FNIP1: variants seen among roughly 807,000 people sequenced by gnomAD.
FNIP1 encodes folliculin-interacting protein 1.
Under a neutral mutation model 124.5 loss-of-function variants are expected in FNIP1, and 40 were observed. That is an observed-to-expected ratio of 0.32 (90% CI 0.25 to 0.42). The LOEUF is 0.42. Among genes scored for constraint, FNIP1 ranks in the 10% least tolerant of loss-of-function variants. The probability of loss-of-function intolerance (pLI) is 1.00; values close to 1 mark genes in which losing one functional copy is unlikely to be tolerated. For synonymous variants in FNIP1, 472 were observed against 470.6 expected (o/e 1.00, Z -0.04); for missense variants, 1,176 against 1,403.7 (o/e 0.84, Z 2.59).
intron 1 of FNIP1, among the ~76,000 whole-genome samples, chr5:131,753,839 G>A (rs1770960149): frequency 6.7e-6 from 1 of 149,134 alleles, no homozygotes. Context: ...TTTTGAGACA[G>A]AGTCTCGCTC....
chr5:131,722,201 A>G (rs1254122895), intron 3 of FNIP1, among the ~76,000 whole-genome samples: 2 of 152,228 alleles, frequency 1.3e-5, no homozygotes, highest in African/African-American at 2.4e-5. Flanking sequence ...TGGAGATGTC[A>G]TATTATAACA....
chr5:131,742,783 C>T (rs1036471615), intron 2 of FNIP1, among the ~76,000 whole-genome samples: 8 of 152,172 alleles, frequency 5.3e-5, no homozygotes, highest in Non-Finnish European at 1.2e-4. Context: ...AGCACAATGT[C>T]CTTCTTTCCA....
intron 15 of FNIP1, among the ~76,000 whole-genome samples, chr5:131,661,439 C>T (rs1580734238): frequency 6.6e-6 from 1 of 152,236 alleles, no homozygotes; most frequent in African/African-American, 2.4e-5. Context: ...GAGGTCATCC[C>T]TCCCTACCTT....
At chr5:131,688,584 T>TTATATAA (rs1220344077) in intron 11 of FNIP1, among the ~76,000 whole-genome samples, 5 of 151,268 alleles carry the variant, frequency 3.3e-5, no homozygotes, top group African/African-American at 1.2e-4. Context: ...TATGTTTATT[T>TTATATAA]TATATAATAT....
In FNIP1 at chr5:131,671,988, C is replaced by A; in HGVS notation, c.2456G>T (p.Cys819Phe). 6.2e-7 allele frequency: 1 copy of A among 1,614,168 alleles called. No individual in the cohort carries two copies. Among genetic ancestry groups the A allele is most frequent in the Non-Finnish European group, 8.5e-7 (1 of 1,180,034 alleles). The part of the protein sequence containing the change: ...DTQNMVSEEP[C>F]ELPCWNHSDP... ...TGAATGATTCCAACAGGGAAGTTCA[C>A]AGGGCTCTTCAGAAACCATGTTCTG... Residue 819 changes from cysteine to phenylalanine, a missense_variant, in exon 14 of 18, where the codon TGT becomes TTT. Coordinates refer to ENST00000510461, the MANE Select transcript of FNIP1 (RefSeq NM_133372.3).
At position 131,671,768 on chromosome 5, in the gene FNIP1, G is replaced by C; in HGVS notation, c.2676C>G (p.Pro892=). The change falls in exon 14 of 18, where the codon CCC becomes CCG. Residue 892 remains proline (P), a synonymous_variant. Coordinates refer to ENST00000510461, the MANE Select transcript of FNIP1 (RefSeq NM_133372.3). ...GAAAGCAGGTTTTACATGAATCTTG[G>C]GGAACTGTTTCTATACATTTACAAA... ...NEFCKCIETV[P]QDSCKTCFPQ... is the part of the protein sequence containing the mutation. 6.2e-7 allele frequency: 1 copy of C among 1,614,030 alleles called. No homozygotes were observed.
intron 14 of FNIP1, 151 bp from the exon 15 acceptor site, chr5:131,670,782 C>G (rs188855998): frequency 1.6e-5 from 8 of 512,876 alleles, no homozygotes; most frequent in Non-Finnish European, 2.6e-5. Flanking sequence ...TGGTAACAAT[C>G]GTAAAAATTA....
intron 2 of FNIP1, among the ~76,000 whole-genome samples, chr5:131,733,236 C>T (rs1030610264): frequency 6.6e-6 from 1 of 152,076 alleles, no homozygotes; most frequent in Admixed American, 6.6e-5. Flanking sequence ...TGGGCTGAGA[C>T]GAGGGGTGTT....
At chr5:131,789,007 A>G (rs1453973364) in intron 1 of FNIP1, among the ~76,000 whole-genome samples, 1 of 152,224 alleles carries the variant, frequency 6.6e-6, no homozygotes, top group African/African-American at 2.4e-5. Flanking sequence ...CAAGATATGC[A>G]ATCAACCTAA....
chr5:131,748,014 G>C (rs1770740526), intron 1 of FNIP1, among the ~76,000 whole-genome samples: 1 of 152,002 alleles, frequency 6.6e-6, no homozygotes, highest in African/African-American at 2.4e-5. Flanking sequence ...AAGATTTGTA[G>C]ATATGAAGGT....
intron 1 of FNIP1, among the ~76,000 whole-genome samples, chr5:131,755,035 A>AG (rs1770998349): frequency 6.6e-6 from 1 of 152,152 alleles, no homozygotes; most frequent in Non-Finnish European, 1.5e-5. Context: ...ATATCTCAGG[A>AG]GGGGGAGTAA....
intron 15 of FNIP1, among the ~76,000 whole-genome samples, chr5:131,667,590 T>C (rs897899451): frequency 4.6e-5 from 7 of 152,144 alleles, no homozygotes; most frequent in Non-Finnish European, 1.0e-4. Flanking sequence ...TGTTTGTTTG[T>C]TTGTTTGTTT....
At chr5:131,715,246 G>A (rs1478986638) in intron 6 of FNIP1, among the ~76,000 whole-genome samples, 2 of 152,170 alleles carry the variant, frequency 1.3e-5, no homozygotes, top group Non-Finnish European at 2.9e-5. Flanking sequence ...AGGACCTTGG[G>A]AGGCTGAGGT....
chr5:131,726,097 A>G (rs1388053679), intron 3 of FNIP1, among the ~76,000 whole-genome samples: 1 of 152,170 alleles, frequency 6.6e-6, no homozygotes. Flanking sequence ...TCAGTTTGCC[A>G]GTATTTTATT....
Position 131,716,564 on chromosome 5 carries a change from C to G in FNIP1, c.622+1G>C. On this transcript the variant is annotated splice_donor_variant, in intron 6 of 17. Transcript: ENST00000510461. LOFTEE classifies it high-confidence loss of function. The stretch of plus-strand genomic sequence containing the variant: ...CTTATAAAATCAAAGGAACCATTTA[C>G]CTATATTTCCAAGCAGTCCATTAAT... 4 of 1,575,562 alleles carry G rather than the reference C, an allele frequency of 2.5e-6. No individual in the cohort carries two copies. Among genetic ancestry groups the G allele is most frequent in the Non-Finnish European group, 3.5e-6 (4 of 1,155,316 alleles).
At chr5:131,689,205 T>C (rs954280721) in intron 11 of FNIP1, among the ~76,000 whole-genome samples, 1 of 145,200 alleles carries the variant, frequency 6.9e-6, no homozygotes, top group Non-Finnish European at 1.5e-5. Context: ...AGAAAAACAA[T>C]AACCTAGAAT....
At chr5:131,749,202 T>G (rs1770785060) in intron 1 of FNIP1, among the ~76,000 whole-genome samples, 1 of 152,054 alleles carries the variant, frequency 6.6e-6, no homozygotes. Flanking sequence ...AAGAAAAACA[T>G]TTTTAATAAA....
At chr5:131,736,182 G>T (rs369030183) in intron 2 of FNIP1, among the ~76,000 whole-genome samples, 2 of 152,006 alleles carry the variant, frequency 1.3e-5, no homozygotes, top group Non-Finnish European at 2.9e-5. Context: ...ATAAAAATAC[G>T]GGTATTTTTA....
chr5:131,775,029 T>C (rs1437102098), intron 1 of FNIP1, among the ~76,000 whole-genome samples: 3 of 152,254 alleles, frequency 2.0e-5, no homozygotes, highest in African/African-American at 7.2e-5. Context: ...TTAAGGTATA[T>C]AAAAATGGAT....
Sources: gnomAD v4.1 joint callset for allele counts (sites outside exome capture counted in the v4.1 genomes callset) on GRCh38, gnomAD v4.1.1 for gene constraint, MANE v1.5 for transcripts, NCBI Gene and HGNC (gene_info 2026-07-23, HGNC 2026-07-21) for gene names.